R3HDM2: variants seen among roughly 807,000 people sequenced by gnomAD.
R3HDM2 encodes R3H domain-containing protein 2.
A neutral mutation model predicts 124.5 loss-of-function variants in R3HDM2; 38 were observed. The observed-to-expected ratio is 0.31, with a 90% CI of 0.24 to 0.40. R3HDM2 has a LOEUF of 0.40. R3HDM2 is among the 10% of genes least tolerant of loss of function. The pLI, the probability that R3HDM2 is intolerant of heterozygous loss-of-function variation, is 1.00. For synonymous variants in R3HDM2, 391 were observed against 448.0 expected (o/e 0.87, Z 1.61); for missense variants, 869 against 1,236.9 (o/e 0.70, Z 4.46).
chr12:57,283,900 A>G lies in R3HDM2; in HGVS notation c.1095T>C (p.Ser365=), dbSNP rs1386961466. ...RPPVTKASSF[S]GISILTRGDS... is the part of the protein sequence containing the mutation. ...CACCTCGGGTAAGGATAGAGATTCCACTGAAGCTGCTAGCTTTGGTGACAG... is the reference window on the plus strand; with the variant it reads ...CACCTCGGGTAAGGATAGAGATTCCGCTGAAGCTGCTAGCTTTGGTGACAG... The change falls in exon 13 of 24, where the codon AGT becomes AGC. Residue 365 remains serine (S), a synonymous_variant. Transcript: ENST00000402412. The G allele has an allele frequency of 2.5e-6, 4 of 1,614,154 alleles. No homozygotes were observed. Among genetic ancestry groups the G allele is most frequent in the South Asian group, 1.1e-5 (1 of 91,072 alleles).
intron 1 of R3HDM2, among the ~76,000 whole-genome samples, chr12:57,416,892 A>G (rs1286927096): frequency 2.0e-5 from 3 of 151,572 alleles, no homozygotes; most frequent in Non-Finnish European, 1.5e-5. Flanking sequence ...AGGGCAGGTC[A>G]TGAGGTCAGG....
In R3HDM2 at chr12:57,266,758, G is replaced by T. The variant is rs1373632274; in HGVS notation, c.2104C>A (p.Pro702Thr). The T allele has an allele frequency of 6.2e-7, 1 of 1,605,546 alleles. No individual in the cohort carries two copies. Among genetic ancestry groups the T allele is most frequent in the Admixed American group, 1.7e-5 (1 of 59,988 alleles). The change falls in exon 19 of 24, where the codon CCA becomes ACA. Residue 702 changes from proline (P) to threonine (T), a missense_variant. Physicochemically the swap from Pro to Thr is conservative, Grantham distance 38 (BLOSUM62 -1). This residue lies in a region of R3HDM2 where 602 missense variants were observed against 789.2 expected (regional missense o/e 0.76). Coordinates refer to ENST00000402412, the MANE Select transcript of R3HDM2 (RefSeq NM_001394031.1). The part of the protein sequence containing the change: ...QMPQSPSPCS[P>T]PQMPQQYSGV... ...GAGTACTGCTGTGGCATCTGTGGTG[G>T]ACTGCAGGGAGAGGGAGACTGAGGC...
At chr12:57,297,672 C>A (rs1049817753) in intron 7 of R3HDM2, 2 of 360,748 alleles carry the variant, frequency 5.5e-6, no homozygotes, top group Admixed American at 4.3e-5. Flanking sequence ...TATAAACACA[C>A]GTTATAAATC....
intron 6 of R3HDM2, 115 bp downstream of exon 6, chr12:57,299,237 A>C: frequency 8.2e-7 from 1 of 1,226,634 alleles, no homozygotes; most frequent in Non-Finnish European, 1.1e-6. Context: ...TCAAGCAACC[A>C]AGTTAGCAGA....
At chr12:57,293,954 G>A (rs565205571) in intron 10 of R3HDM2, among the ~76,000 whole-genome samples, 53 of 152,296 alleles carry the variant, frequency 3.5e-4, no homozygotes, top group Middle Eastern at 3.4e-3. Context: ...CAATGGCAAA[G>A]TAGAAAGAAC....
chr12:57,383,177 G>T (rs951967975), intron 2 of R3HDM2, among the ~76,000 whole-genome samples: 1 of 151,986 alleles, frequency 6.6e-6, no homozygotes, highest in Non-Finnish European at 1.5e-5. Context: ...TTTATTAGCC[G>T]AATGTGGTGG....
chr12:57,397,838 C>G (rs1723221695), intron 1 of R3HDM2, among the ~76,000 whole-genome samples: 1 of 152,146 alleles, frequency 6.6e-6, no homozygotes, highest in Admixed American at 6.6e-5. Context: ...GAATCAAGAG[C>G]AACATAATTT....
At chr12:57,370,086 C>A (rs2063135310) in intron 2 of R3HDM2, among the ~76,000 whole-genome samples, 1 of 152,098 alleles carries the variant, frequency 6.6e-6, no homozygotes, top group Non-Finnish European at 1.5e-5. Context: ...GGCTCTGTGT[C>A]CCCACCCAAA....
chr12:57,349,404 A>AG (rs2060448450), intron 2 of R3HDM2, among the ~76,000 whole-genome samples: 1 of 148,044 alleles, frequency 6.8e-6, no homozygotes, highest in Non-Finnish European at 1.5e-5. Flanking sequence ...AAAAAAAAAA[A>AG]AAAGAAAAGA....
rs767234283 is a variant in R3HDM2, at chr12:57,404,064, A to ATTTTTTTTTTTTTTTT, written c.-105-8262_-105-8247dup. On this transcript the variant is annotated intron_variant, in intron 1 of 23. Coordinates refer to ENST00000402412, the MANE Select transcript of R3HDM2 (RefSeq NM_001394031.1). The stretch of plus-strand genomic sequence containing the variant: ...ATAAAATAAAAAAAGTCCACTCCTA[A>ATTTTTTTTTTTTTTTT]TTTTTTTTTTTTTTTTTGAGATGGA... 7.9e-4 allele frequency among the ~76,000 whole-genome samples: 61 copies of ATTTTTTTTTTTTTTTT among 77,038 alleles called. 6 individuals carry two copies. The highest frequency in any genetic ancestry group is 0.014 in the Middle Eastern group (1 of 70). The allele number at this position is 77,038 out of a possible 152,430, so 50.5% of individuals were successfully genotyped here.
At chr12:57,340,345 G>A (rs1435739493) in intron 2 of R3HDM2, among the ~76,000 whole-genome samples, 3 of 152,164 alleles carry the variant, frequency 2.0e-5, no homozygotes, top group African/African-American at 7.2e-5. Flanking sequence ...TGAAAAGCTA[G>A]CAAGAAATTA....
chr12:57,268,580 GT>G, intron 17 of R3HDM2, 123 bp from the exon 18 acceptor site: 1 of 1,030,640 alleles, frequency 9.7e-7, no homozygotes, highest in Non-Finnish European at 1.4e-6. Context: ...TCCTCCTCCT[GT>G]TTTCCCCATC....
At chr12:57,266,898 C>T in intron 18 of R3HDM2, 67 bp from the exon 19 acceptor site, 1 of 1,143,886 alleles carries the variant, frequency 8.7e-7, no homozygotes, top group African/African-American at 1.6e-5. Flanking sequence ...TGGCAAACAG[C>T]TGCTGCTTCC....
At position 57,371,083 on chromosome 12, in the gene R3HDM2, CTTTTTTTTTTTTTTTT is replaced by C. The variant is rs775839017; in HGVS notation, c.-36+24650_-36+24665del. 1.4e-3 allele frequency among the ~76,000 whole-genome samples: 59 copies of C among 40,908 alleles called. 1 individual carries two copies. Among genetic ancestry groups the C allele is most frequent in the East Asian group, 0.011 (11 of 1,008 alleles). 26.8% of individuals were successfully genotyped at this position (40,908 alleles called of 152,430 possible). On this transcript the variant is annotated intron_variant, in intron 2 of 23. Transcript: ENST00000402412. Reference sequence around the variant, plus strand: ...AATGGGAACCAAATATATACCATTACTTTTTTTTTTTTTTTTTTTTTTTTTTTTTTAAGATACACAC... The same window carrying C: ...AATGGGAACCAAATATATACCATTACTTTTTTTTTTTTTTAAGATACACAC...
intron 2 of R3HDM2, among the ~76,000 whole-genome samples, chr12:57,366,450 T>A (rs927632776): frequency 6.6e-6 from 1 of 152,128 alleles, no homozygotes; most frequent in Non-Finnish European, 1.5e-5. Flanking sequence ...GACACTGCAG[T>A]TTTCGTTTTT....
chr12:57,386,144 G>A (rs1204903921), intron 2 of R3HDM2, among the ~76,000 whole-genome samples: 2 of 130,034 alleles, frequency 1.5e-5, no homozygotes, highest in African/African-American at 2.7e-5. Context: ...AGGTGACAGC[G>A]TGCTGGCAGC....
At chr12:57,382,318 T>C (rs1294962682) in intron 2 of R3HDM2, among the ~76,000 whole-genome samples, 2 of 149,970 alleles carry the variant, frequency 1.3e-5, no homozygotes, top group Non-Finnish European at 3.0e-5. Flanking sequence ...CACTATGTTG[T>C]CCAGGCTGGT....
intron 2 of R3HDM2, among the ~76,000 whole-genome samples, chr12:57,387,811 C>A (rs966535403): frequency 2.6e-5 from 4 of 152,114 alleles, no homozygotes; most frequent in Non-Finnish European, 5.9e-5. Flanking sequence ...ATAGTTACAC[C>A]AGTGGAACTG....
chr12:57,332,236 C>A (rs2058288444), intron 2 of R3HDM2, among the ~76,000 whole-genome samples: 1 of 150,956 alleles, frequency 6.6e-6, no homozygotes, highest in Non-Finnish European at 1.5e-5. Context: ...ATAGTGGAAC[C>A]CTGTCTCTAC....
Sources: gnomAD v4.1 joint callset for allele counts (sites outside exome capture counted in the v4.1 genomes callset) on GRCh38, gnomAD v4.1.1 for gene constraint, gnomAD v4.1.1 regional missense constraint, MANE v1.5 for transcripts, NCBI Gene and HGNC (gene_info 2026-07-23, HGNC 2026-07-21) for gene names.